The following KALRN variants were observed in gnomAD, a reference collection of about 807,000 sequenced individuals.
KALRN encodes the protein kalirin RhoGEF kinase, also known as kalirin.
Under a neutral mutation model 353.7 loss-of-function variants are expected in KALRN, and 70 were observed. That is an observed-to-expected ratio of 0.20 (90% confidence interval 0.16 to 0.24). The LOEUF is 0.24. KALRN is among the 10% of genes least tolerant of loss of function. The pLI is 1.00. For missense variants in KALRN, 2,791 were observed against 3,756.7 expected (o/e 0.74, Z 6.72); for synonymous variants, 1,391 against 1,434.8 (o/e 0.97, Z 0.69).
intron 34 of KALRN, among the ~76,000 whole-genome samples, chr3:124,624,432 G>A (rs1370452119): frequency 5.3e-5 from 8 of 152,066 alleles, no homozygotes. Flanking sequence ...ACATATATAG[G>A]GTTTGATACC....
chr3:124,248,103 C>T (rs2070587023), intron 3 of KALRN, among the ~76,000 whole-genome samples: 2 of 152,198 alleles, frequency 1.3e-5, no homozygotes, highest in Admixed American at 1.3e-4. Context: ...CTGAGAGAAA[C>T]CACACAACTT....
At position 124,141,309 on chromosome 3, in the gene KALRN, C is replaced by T. The variant is rs75646150; in HGVS notation, c.74-86681C>T. ...AGCCCTGGTCGAAGATTAGAATCCT[C>T]ACTCTGTCAGCCACAACTCCCTAGC... On this transcript the variant is annotated intron_variant, in intron 1 of 59. Transcript: ENST00000682506. 4.3e-4 allele frequency among the ~76,000 whole-genome samples: 65 copies of T among 152,350 alleles called. No homozygotes were observed. The East Asian group carries it at 8.7e-3, about 20-fold the overall frequency.
Position 124,268,744 on chromosome 3 carries a change from C to G in KALRN, c.458C>G (p.Thr153Arg), listed in dbSNP as rs565525175. 1.2e-6 allele frequency: 2 copies of G among 1,613,824 alleles called. No homozygotes were observed. The highest frequency in any genetic ancestry group is 2.2e-5 in the East Asian group (1 of 44,860). ...CTTGTCTGTGTCTGCCCCTTCCAGA[C>G]GAGCATGGTATCTGTGGAGGGCCTC... ...NFGSSKFIFE[T>R]SMVSVEGLTK... The change falls in exon 5 of 60, where the codon ACG becomes AGG. Residue 153 changes from threonine to arginine, a missense_variant and splice_region_variant. Coordinates refer to ENST00000682506, the MANE Select transcript of KALRN (RefSeq NM_001388419.1).
chr3:124,655,701 C>T lies in KALRN; in HGVS notation c.5862+34C>T, dbSNP rs757523418. On this transcript the variant is annotated intron_variant, in intron 39 of 59. Coordinates refer to ENST00000682506, the MANE Select transcript of KALRN (RefSeq NM_001388419.1). Reference sequence around the variant, plus strand: ...AGGGTTCCAGGTGGGTCTGTGGTCACCCAACCAGGAGCACGTTGGACCCTA... The same window carrying T: ...AGGGTTCCAGGTGGGTCTGTGGTCATCCAACCAGGAGCACGTTGGACCCTA... The T allele has an allele frequency of 1.5e-5, 24 of 1,552,944 alleles. No individual in the cohort carries two copies. The South Asian group carries it at 2.4e-4, about 16-fold the overall frequency.
At chr3:124,182,080 C>T (rs753907621) in intron 1 of KALRN, among the ~76,000 whole-genome samples, 10 of 152,238 alleles carry the variant, frequency 6.6e-5, no homozygotes, top group South Asian at 2.1e-4. Context: ...TAAATACAAA[C>T]GTGGATGCTG....
At chr3:124,358,383 G>T (rs148217739) in intron 10 of KALRN, among the ~76,000 whole-genome samples, 66 of 152,242 alleles carry the variant, frequency 4.3e-4, no homozygotes, top group African/African-American at 1.6e-3. Context: ...ATGGAAGGAA[G>T]TCTTTTTTTT....
rs191898693 is a variant in KALRN, at chr3:124,528,523, C to T, written c.4935+32110C>T. ...GAGTTAAGGAGAACCTGGCTCTCTC[C>T]TCCCAACTGCCTCAGTGTGCCCTCA... On this transcript the variant is annotated intron_variant, in intron 33 of 59. Transcript: ENST00000682506. 2.1e-3 allele frequency among the ~76,000 whole-genome samples: 322 copies of T among 152,252 alleles called. 2 individuals carry two copies. Among genetic ancestry groups the T allele is most frequent in the Non-Finnish European group, 3.9e-3 (266 of 68,008 alleles).
At chr3:124,358,362 C>T (rs576077377) in intron 10 of KALRN, among the ~76,000 whole-genome samples, 72 of 152,260 alleles carry the variant, frequency 4.7e-4, no homozygotes, top group African/African-American at 1.7e-3. Flanking sequence ...CTTCTCACTC[C>T]GTTAGCTGAA....
At chr3:124,381,085 G>T (rs1052535883) in intron 10 of KALRN, among the ~76,000 whole-genome samples, 3 of 152,192 alleles carry the variant, frequency 2.0e-5, no homozygotes, top group African/African-American at 4.8e-5. Context: ...ACCATGGAGA[G>T]GGTTGGTATA....
chr3:124,388,800 G>T (rs1347672284), intron 11 of KALRN, among the ~76,000 whole-genome samples: 1 of 152,124 alleles, frequency 6.6e-6, no homozygotes, highest in Non-Finnish European at 1.5e-5. Context: ...ATGGTCTCAT[G>T]GAAGAACTCC....
At chr3:124,125,810 T>C (rs1305072637) in intron 1 of KALRN, among the ~76,000 whole-genome samples, 1 of 152,226 alleles carries the variant, frequency 6.6e-6, no homozygotes, top group Non-Finnish European at 1.5e-5. Context: ...AGAGGTGTTG[T>C]TAAGAGCCTG....
intron 5 of KALRN, among the ~76,000 whole-genome samples, chr3:124,286,111 C>T (rs1444379793): frequency 6.8e-6 from 1 of 146,270 alleles, no homozygotes; most frequent in Non-Finnish European, 1.5e-5. Context: ...TTCTTTCTTT[C>T]TTTCTTTCTT....
At chr3:124,169,058 C>T (rs2071326561) in intron 1 of KALRN, among the ~76,000 whole-genome samples, 1 of 152,182 alleles carries the variant, frequency 6.6e-6, no homozygotes, top group Non-Finnish European at 1.5e-5. Context: ...TGTTTATTGA[C>T]TGTGTTATCT....
At chr3:124,445,406 C>T (rs953401922) in intron 19 of KALRN, among the ~76,000 whole-genome samples, 4 of 152,116 alleles carry the variant, frequency 2.6e-5, no homozygotes, top group Non-Finnish European at 5.9e-5. Flanking sequence ...ATCCACGTAC[C>T]CAGCTATTCC....
intron 53 of KALRN, among the ~76,000 whole-genome samples, chr3:124,694,934 T>C (rs745814123): frequency 6.6e-6 from 1 of 152,198 alleles, no homozygotes; most frequent in Non-Finnish European, 1.5e-5. Flanking sequence ...TGGTAGATGA[T>C]CTTTCCCTAC....
chr3:124,085,263 G>A (rs375677558), intron 1 of KALRN, among the ~76,000 whole-genome samples: 37 of 152,252 alleles, frequency 2.4e-4, no homozygotes, highest in African/African-American at 3.9e-4. Context: ...GTAAGTAGCC[G>A]CATAATCTTC....
At chr3:124,473,947 G>A (rs1328631184) in intron 25 of KALRN, among the ~76,000 whole-genome samples, 4 of 152,044 alleles carry the variant, frequency 2.6e-5, no homozygotes, top group Non-Finnish European at 5.9e-5. Context: ...AAGCATGCTG[G>A]CTTGTTAGAA....
At chr3:124,145,414 G>T (rs927297151) in intron 1 of KALRN, among the ~76,000 whole-genome samples, 4 of 152,188 alleles carry the variant, frequency 2.6e-5, no homozygotes, top group Admixed American at 2.6e-4. Context: ...CTCTGGGTCT[G>T]AGATGTAGGA....
chr3:124,671,747 C>T lies in KALRN; in HGVS notation c.6791C>T (p.Pro2264Leu). 6.2e-7 allele frequency: 1 copy of T among 1,614,154 alleles called. No individual in the cohort carries two copies. Among genetic ancestry groups the T allele is most frequent in the East Asian group, 2.2e-5 (1 of 44,882 alleles). The change falls in exon 48 of 60, where the codon CCC becomes CTC. Residue 2264 changes from proline to leucine, a missense_variant. By Grantham distance (98) the Pro-to-Leu change is moderately conservative (BLOSUM62 -3). This residue lies in a region of KALRN where 1,065 missense variants were observed against 1,156.4 expected (regional missense o/e 0.92). Coordinates refer to ENST00000682506, the MANE Select transcript of KALRN (RefSeq NM_001388419.1). Reference protein sequence around the residue: ...SQPARLPQASPRPYSSVPAGS... With the variant: ...SQPARLPQASLRPYSSVPAGS... ...CCTGCCAGGCTTCCCCAAGCCAGCC[C>T]CAGGCCCTACTCCTCTGTTCCTGCG...
Sources: allele counts gnomAD v4.1 joint callset (sites outside exome capture counted in the v4.1 genomes callset), GRCh38; gene constraint gnomAD v4.1.1; regional missense constraint gnomAD v4.1.1; transcripts MANE v1.5; gene names NCBI Gene and HGNC (gene_info 2026-07-23, HGNC 2026-07-21).